TMCC1: variants seen among roughly 807,000 people sequenced by gnomAD.
TMCC1 encodes the protein transmembrane and coiled-coil domains protein 1.
A neutral mutation model predicts 52.4 loss-of-function variants in TMCC1; 15 were observed. The ratio of observed to expected loss-of-function variants is 0.29; its 90% confidence interval spans 0.19 to 0.44. TMCC1 has a LOEUF of 0.44. Ranked by LOEUF, TMCC1 falls within the 20% of genes least tolerant of loss-of-function variation. The pLI is 1.00. For synonymous variants in TMCC1, 279 were observed against 301.9 expected, an observed-to-expected ratio of 0.92 and a Z score of 0.79; for missense variants, 503 against 806.0, an observed-to-expected ratio of 0.62 and a Z score of 4.55.
At chr3:129,774,420 C>T (rs1270240957) in intron 4 of TMCC1, among the ~76,000 whole-genome samples, 4 of 152,152 alleles carry the variant, frequency 2.6e-5, no homozygotes, top group Admixed American at 6.5e-5. Context: ...TCCCACAGCT[C>T]ACCTTCAATA....
chr3:129,747,093 T>G (rs920235173), intron 4 of TMCC1, among the ~76,000 whole-genome samples: 1 of 152,196 alleles, frequency 6.6e-6, no homozygotes, highest in Non-Finnish European at 1.5e-5. Flanking sequence ...CTCATATATA[T>G]GAAGACTGAT....
At chr3:129,834,460 T>C (rs775839681) in intron 2 of TMCC1, among the ~76,000 whole-genome samples, 69 of 152,166 alleles carry the variant, frequency 4.5e-4, no homozygotes, top group Non-Finnish European at 8.8e-4. Context: ...AGGGGGTTGT[T>C]GAAACCAACC....
At chr3:129,794,063 T>C (rs2056650342) in intron 4 of TMCC1, among the ~76,000 whole-genome samples, 1 of 152,248 alleles carries the variant, frequency 6.6e-6, no homozygotes, top group South Asian at 2.1e-4. Flanking sequence ...CTGGAAATTC[T>C]ATCTCAGGAG....
chr3:129,874,092 T>C lies in TMCC1; in HGVS notation c.-184+6217A>G, dbSNP rs556627230. 2.0e-5 allele frequency among the ~76,000 whole-genome samples: 3 copies of C among 152,296 alleles called. No individual in the cohort carries two copies. The South Asian group carries it at 6.2e-4, about 32-fold the overall frequency. On this transcript the variant is annotated intron_variant, in intron 2 of 6. Coordinates refer to ENST00000393238, the MANE Select transcript of TMCC1 (RefSeq NM_001017395.5). Reference sequence around the variant, plus strand: ...ACACAAAAAGAGGTAAAAATGGTTGTTACTAAGGAGGAGAAGTAAGGACCA... The same window carrying C: ...ACACAAAAAGAGGTAAAAATGGTTGCTACTAAGGAGGAGAAGTAAGGACCA...
intron 1 of TMCC1, among the ~76,000 whole-genome samples, chr3:129,892,417 C>A (rs974036556): frequency 6.6e-6 from 1 of 152,206 alleles, no homozygotes; most frequent in Admixed American, 6.5e-5. Context: ...CACCTACTCA[C>A]AATTTGAGTT....
chr3:129,873,374 A>G (rs764187831), intron 2 of TMCC1, among the ~76,000 whole-genome samples: 6 of 137,500 alleles, frequency 4.4e-5, no homozygotes, highest in South Asian at 2.2e-4. Context: ...TATGCAGCTG[A>G]AAAAAAAAAA....
chr3:129,688,413 G>A, intron 4 of TMCC1: 1 of 985,456 alleles, frequency 1.0e-6, no homozygotes, highest in South Asian at 4.7e-5. Context: ...GCTACCACTG[G>A]GAATGCTTTC....
intron 5 of TMCC1, among the ~76,000 whole-genome samples, chr3:129,669,830 A>T (rs1425741814): frequency 1.3e-5 from 2 of 152,188 alleles, no homozygotes; most frequent in Non-Finnish European, 2.9e-5. Context: ...TTGTAGAACC[A>T]TTTCATGTTT....
chr3:129,684,104 G>A (rs2089223211), intron 4 of TMCC1, among the ~76,000 whole-genome samples: 1 of 152,182 alleles, frequency 6.6e-6, no homozygotes, highest in Admixed American at 6.5e-5. Flanking sequence ...ATGACAAATT[G>A]TAAAAAATTG....
chr3:129,707,202 A>G (rs1357976049), intron 4 of TMCC1, among the ~76,000 whole-genome samples: 1 of 152,198 alleles, frequency 6.6e-6, no homozygotes, highest in Admixed American at 6.5e-5. Flanking sequence ...TTCTCCAGTA[A>G]TAGGTGGACA....
chr3:129,736,177 A>G (rs2050943920), intron 4 of TMCC1, among the ~76,000 whole-genome samples: 2 of 152,322 alleles, frequency 1.3e-5, no homozygotes, highest in Admixed American at 1.3e-4. Flanking sequence ...GATCTCGTGC[A>G]GGGATTGTGA....
At chr3:129,679,281 C>T (rs1479201372) in intron 4 of TMCC1, among the ~76,000 whole-genome samples, 6 of 152,172 alleles carry the variant, frequency 3.9e-5, no homozygotes, top group African/African-American at 7.2e-5. Flanking sequence ...ACCTTAGCAG[C>T]GAGGACTTCT....
chr3:129,688,090 G>A (rs1457229541), intron 4 of TMCC1: 3 of 954,658 alleles, frequency 3.1e-6, no homozygotes, highest in South Asian at 4.8e-5. Context: ...TTTGCAAAAT[G>A]TTTTAGTTAT....
chr3:129,783,077 T>C (rs1173351821), intron 4 of TMCC1, among the ~76,000 whole-genome samples: 2 of 152,200 alleles, frequency 1.3e-5, no homozygotes, highest in Non-Finnish European at 2.9e-5. Flanking sequence ...CAAACAGATA[T>C]ATGTTTTTAT....
In TMCC1 at chr3:129,705,814, G is replaced by A. The variant is rs561032855; in HGVS notation, c.577-34550C>T. 4.6e-5 allele frequency among the ~76,000 whole-genome samples: 7 copies of A among 151,948 alleles called. No homozygotes were observed. The South Asian group carries it at 6.2e-4, about 14-fold the overall frequency. ...TCACCATTTTAGCCAGGATGGTCTC[G>A]ATCTCCTGACCTCATGATCTGCCTG... On this transcript the variant is annotated intron_variant, in intron 4 of 6. Transcript: ENST00000393238.
chr3:129,812,792 G>A lies in TMCC1; in HGVS notation c.576+15011C>T, dbSNP rs138024312. On this transcript the variant is annotated intron_variant, in intron 4 of 6. Coordinates refer to ENST00000393238, the MANE Select transcript of TMCC1 (RefSeq NM_001017395.5). ...AGACTTCATAACAAAGATGCCAAAA[G>A]CGATTGCAACAAAACCAAAAATAAA... 2.1e-3 allele frequency among the ~76,000 whole-genome samples: 326 copies of A among 152,192 alleles called. 2 individuals are homozygous for A. Among genetic ancestry groups the A allele is most frequent in the African/African-American group, 7.6e-3 (316 of 41,542 alleles).
chr3:129,876,681 G>A (rs1312138499), intron 2 of TMCC1, among the ~76,000 whole-genome samples: 3 of 151,970 alleles, frequency 2.0e-5, no homozygotes, highest in East Asian at 3.9e-4. Context: ...AGGGCTGGGC[G>A]CGGTGGCTCA....
chr3:129,826,759 T>C (rs1390604960), intron 4 of TMCC1, among the ~76,000 whole-genome samples: 3 of 151,854 alleles, frequency 2.0e-5, no homozygotes, highest in Admixed American at 2.0e-4. Context: ...TCAGTATTTA[T>C]ATTTCCAGGT....
chr3:129,672,867 ATCT>A (rs1288899840), intron 4 of TMCC1, among the ~76,000 whole-genome samples: 1 of 152,124 alleles, frequency 6.6e-6, no homozygotes, highest in South Asian at 2.1e-4. Context: ...TAGGGATAAC[ATCT>A]TCTTTTTTTC....
Sources: allele counts gnomAD v4.1 joint callset (sites outside exome capture counted in the v4.1 genomes callset), GRCh38; gene constraint gnomAD v4.1.1; transcripts MANE v1.5; gene names NCBI Gene and HGNC (gene_info 2026-07-23, HGNC 2026-07-21).